Variants in PKP1 observed in about 807,000 individuals in gnomAD.
PKP1 encodes plakophilin-1.
A neutral mutation model predicts 76.4 loss-of-function variants in PKP1; 27 were observed. That is an observed-to-expected ratio of 0.35 (90% CI 0.26 to 0.49). The LOEUF (loss-of-function observed/expected upper bound fraction) is 0.49. Ranked by LOEUF, PKP1 falls within the 20% of genes least tolerant of loss-of-function variation. The probability of loss-of-function intolerance (pLI) is 0.99; values close to 1 mark genes in which losing one functional copy is unlikely to be tolerated. For synonymous variants in PKP1, 404 were observed against 384.2 expected, an observed-to-expected ratio of 1.05 and a Z score of -0.60; for missense variants, 964 against 955.2, an observed-to-expected ratio of 1.01 and a Z score of -0.12.
chr1:201,313,700 T>G, intron 3 of PKP1, 140 bp downstream of exon 3: 1 of 884,442 alleles, frequency 1.1e-6, no homozygotes, highest in Non-Finnish European at 1.7e-6. Context: ...TTGCCCCTGG[T>G]GTAATGGACT....
chr1:201,293,304 C>T (rs860554), intron 1 of PKP1, among the ~76,000 whole-genome samples: 30,920 of 152,204 alleles, frequency 0.2, 3,809 homozygotes, highest in Middle Eastern at 0.33. Context: ...TAATGACACT[C>T]TGTCCTCCTG....
In PKP1 at chr1:201,320,375, C is replaced by T. The variant is rs375542525; in HGVS notation, c.1341C>T (p.Asp447=). 30 of 1,607,660 alleles carry T rather than the reference C, an allele frequency of 1.9e-5. No individual in the cohort carries two copies. Among genetic ancestry groups the T allele is most frequent in the Middle Eastern group, 1.6e-4 (1 of 6,072 alleles). ...ACTGTGTAGCGGCCAGCCGCTGTGACGACAAGGTGAGTGCATCCCCTGGTG... is the reference window on the plus strand; with the variant it reads ...ACTGTGTAGCGGCCAGCCGCTGTGATGACAAGGTGAGTGCATCCCCTGGTG... ...VQNCVAASRC[D]DKSVENCMCV... Residue 447 remains aspartate, a synonymous_variant, in exon 7 of 14, where the codon GAC becomes GAT. Transcript: ENST00000367324.
intron 9 of PKP1, 29 bp downstream of exon 9, chr1:201,323,218 A>T (rs1451020015): frequency 6.2e-7 from 1 of 1,606,058 alleles, no homozygotes. Context: ...TCTCTACTGC[A>T]GCAGCCCCAT....
chr1:201,314,846 T>C (rs1656677370), intron 3 of PKP1, among the ~76,000 whole-genome samples: 1 of 152,236 alleles, frequency 6.6e-6, no homozygotes, highest in Non-Finnish European at 1.5e-5. Context: ...CACAATTAAC[T>C]CCTTTTCTGA....
rs559086766 is a variant in PKP1, at chr1:201,310,510, T to C, written c.307-2656T>C. 2.0e-5 allele frequency among the ~76,000 whole-genome samples: 3 copies of C among 152,304 alleles called. No homozygotes were observed. The East Asian group carries it at 5.8e-4, about 29-fold the overall frequency. ...CCAGGCAGTTGCTGCCGTTTCAGCC[T>C]TCAAGGCTGCAGGCTTCATCCAGGT... On this transcript the variant is annotated intron_variant, in intron 2 of 13. Transcript: ENST00000367324.
intron 7 of PKP1, among the ~76,000 whole-genome samples, chr1:201,321,194 C>T (rs1368433616): frequency 2.6e-5 from 4 of 152,158 alleles, no homozygotes; most frequent in Non-Finnish European, 5.9e-5. Context: ...AGAGGAGAGC[C>T]TTGTCACTGG....
chr1:201,326,395 CCA>C (rs1433867814), intron 12 of PKP1, among the ~76,000 whole-genome samples: 1 of 152,242 alleles, frequency 6.6e-6, no homozygotes, highest in Non-Finnish European at 1.5e-5. Context: ...TCTCTGTCCT[CCA>C]CCCCTCCCCA....
At position 201,318,778 on chromosome 1, in the gene PKP1, T is replaced by C. The variant is rs1227190509; in HGVS notation, c.1215T>C (p.Asn405=). 2 of 1,605,250 alleles carry C rather than the reference T, an allele frequency of 1.2e-6. No individual in the cohort carries two copies. The highest frequency in any genetic ancestry group is 1.7e-5 in the Admixed American group (1 of 59,068). ...TGGTGGACCCTGAGGTCTTCTTCAA[T>C]GCCACAGGCTGCTTGAGGTGAGAGA... ...REVVDPEVFF[N]ATGCLRNLSS... The change falls in exon 6 of 14, where the codon AAT becomes AAC. Residue 405 remains asparagine, a synonymous_variant. Transcript: ENST00000367324.
At chr1:201,286,654 T>C (rs832167) in intron 1 of PKP1, among the ~76,000 whole-genome samples, 23,101 of 152,186 alleles carry the variant, frequency 0.15, 2,122 homozygotes, top group Non-Finnish European at 0.21. Flanking sequence ...TTCTGTGGCC[T>C]GGAGACCTTG....
rs1359005345 is a variant in PKP1, at chr1:201,283,576, C to G, written c.-127C>G. 3 of 846,144 alleles carry G rather than the reference C, an allele frequency of 3.5e-6. No individual in the cohort carries two copies. The Admixed American group carries it at 6.0e-5, about 17-fold the overall frequency. 52.4% of individuals were successfully genotyped at this position (846,144 alleles called of 1,614,324 possible). On this transcript the variant is annotated 5_prime_UTR_variant, in exon 1 of 14. Transcript: ENST00000367324. ...GCAGGGAGCCCTCACGCGGACCACGCACTCTATGGCCGTAGGGAGCCGCTG... is the reference window on the plus strand; with the variant it reads ...GCAGGGAGCCCTCACGCGGACCACGGACTCTATGGCCGTAGGGAGCCGCTG...
At chr1:201,318,429 T>G (rs1044147343) in intron 5 of PKP1, among the ~76,000 whole-genome samples, 189 bp from the exon 6 acceptor site, 2 of 152,176 alleles carry the variant, frequency 1.3e-5, no homozygotes, top group African/African-American at 4.8e-5. Context: ...CAAAGAACCT[T>G]CAGTCTGGTT....
At chr1:201,287,938 G>A (rs959136236) in intron 1 of PKP1, among the ~76,000 whole-genome samples, 2 of 152,134 alleles carry the variant, frequency 1.3e-5, no homozygotes, top group East Asian at 1.9e-4. Flanking sequence ...GGACACATGC[G>A]CACACATGTA....
intron 1 of PKP1, among the ~76,000 whole-genome samples, chr1:201,292,674 T>C (rs864402): frequency 0.99 from 151,446 of 152,286 alleles, 75,307 homozygotes; most frequent in South Asian, 1. Flanking sequence ...CTACCTTGGC[T>C]GGGTGAGATC....
At chr1:201,316,766 T>C (rs570658087) in intron 4 of PKP1, 69 bp downstream of exon 4, 1 of 1,566,126 alleles carries the variant, frequency 6.4e-7, no homozygotes, top group East Asian at 2.2e-5. Flanking sequence ...CTGACTCCGC[T>C]TTTAGAGATG....
chr1:201,326,944 G>C (rs1657143308), intron 12 of PKP1, among the ~76,000 whole-genome samples: 1 of 152,202 alleles, frequency 6.6e-6, no homozygotes, highest in Admixed American at 6.5e-5. Flanking sequence ...CTCTAAGGAA[G>C]GCAGGGCAGC....
At chr1:201,313,039 C>T (rs1772860) in intron 2 of PKP1, 127 bp from the exon 3 acceptor site, 19 of 1,007,380 alleles carry the variant, frequency 1.9e-5, no homozygotes, top group Non-Finnish European at 2.6e-5. Flanking sequence ...GTTCCTTCCA[C>T]GCCAAACATT....
intron 1 of PKP1, among the ~76,000 whole-genome samples, chr1:201,286,953 C>T (rs113949482): frequency 6.6e-6 from 1 of 152,222 alleles, no homozygotes; most frequent in African/African-American, 2.4e-5. Flanking sequence ...TCTCACTTGC[C>T]CTAACCCAAG....
chr1:201,294,688 C>A (rs1656023625), intron 2 of PKP1, among the ~76,000 whole-genome samples: 1 of 152,194 alleles, frequency 6.6e-6, no homozygotes, highest in African/African-American at 2.4e-5. Context: ...AAAAAGATTA[C>A]AATAATTCTT....
chr1:201,322,173 G>T (rs1197469678), intron 8 of PKP1, 40 bp downstream of exon 8: 2 of 1,600,670 alleles, frequency 1.2e-6, no homozygotes, highest in South Asian at 2.2e-5. Flanking sequence ...GCCCCATCAA[G>T]CACCCCCCCA....
Sources: allele counts gnomAD v4.1 joint callset (sites outside exome capture counted in the v4.1 genomes callset), GRCh38; gene constraint gnomAD v4.1.1; transcripts MANE v1.5; gene names NCBI Gene and HGNC (gene_info 2026-07-23, HGNC 2026-07-21).